Variants in LRP5 observed in about 807,000 individuals in gnomAD.
The protein encoded by LRP5 is LDL receptor related protein 5.
In LRP5, 62 loss-of-function variants were observed where a neutral mutation model predicts 154.1. The ratio of observed to expected loss-of-function variants is 0.40; its 90% CI spans 0.33 to 0.50. The LOEUF is 0.50. Ranked by LOEUF, LRP5 falls within the 20% of genes least tolerant of loss-of-function variation. LRP5 has a pLI of 0.55. For missense variants in LRP5, 1,915 were observed against 2,336.7 expected, an observed-to-expected ratio of 0.82 and a Z score of 3.72; for synonymous variants, 966 against 1,011.5, an observed-to-expected ratio of 0.96 and a Z score of 0.85.
At chr11:68,441,068 TTTTTC>T (rs1036857593) in intron 21 of LRP5, among the ~76,000 whole-genome samples, 16 of 151,660 alleles carry the variant, frequency 1.1e-4, no homozygotes, top group Admixed American at 5.9e-4. Flanking sequence ...GCACCTGGCC[TTTTTC>T]TTTTCTTTTC....
chr11:68,431,386 C>T (rs1029539840), intron 17 of LRP5, among the ~76,000 whole-genome samples: 5 of 151,834 alleles, frequency 3.3e-5, no homozygotes, highest in Non-Finnish European at 5.9e-5. Context: ...ATTACAGGCT[C>T]CCACCACCAC....
Position 68,338,867 on chromosome 11 carries a change from G to GTTTTTTTTTTTTTTTTTTTTTTTTTTTT in LRP5, c.92-8956_92-8955insTTTTTTTTTTTTTTTTTTTTTTTTTTTT, listed in dbSNP as rs11382677. On this transcript the variant is annotated intron_variant, in intron 1 of 22. Coordinates refer to ENST00000294304, the MANE Select transcript of LRP5 (RefSeq NM_002335.4). ...TCATTGGTTTTTTTGCTTTTGTTTA[G>GTTTTTTTTTTTTTTTTTTTTTTTTTTTT]TTTTTTTTTTTTTTTTTTTTTTTTG... Among the ~76,000 whole-genome samples the GTTTTTTTTTTTTTTTTTTTTTTTTTTTT allele has an allele frequency of 6.5e-5, 6 of 91,940 alleles. 1 individual carries two copies. Among genetic ancestry groups the GTTTTTTTTTTTTTTTTTTTTTTTTTTTT allele is most frequent in the African/African-American group, 9.3e-5 (2 of 21,536 alleles). 60.3% of individuals were successfully genotyped at this position (91,940 alleles called of 152,430 possible). A position where few individuals can be genotyped will look rare whatever the true frequency, so the allele number is the denominator to read the frequency against.
At chr11:68,431,259 G>A (rs1258003010) in intron 17 of LRP5, among the ~76,000 whole-genome samples, 3 of 98,770 alleles carry the variant, frequency 3.0e-5, no homozygotes, top group Non-Finnish European at 5.7e-5. Flanking sequence ...TTTTTTTTGA[G>A]ATGGAGTCTC....
rs752512951 is a variant in LRP5, at chr11:68,411,638, G to A, written c.2503+18G>A. ...CATGCTGGGTGAGGGCCGGGCTGGG[G>A]CCTTCTGGTCATGGAGGGCGGGGCA... On this transcript the variant is annotated intron_variant, in intron 11 of 22. Coordinates refer to ENST00000294304, the MANE Select transcript of LRP5 (RefSeq NM_002335.4). 1.1e-5 allele frequency: 18 copies of A among 1,601,728 alleles called. No individual in the cohort carries two copies. The highest frequency in any genetic ancestry group is 3.3e-5 in the Admixed American group (2 of 59,758).
At position 68,390,120 on chromosome 11, in the gene LRP5, G is replaced by C. The variant is rs543363877; in HGVS notation, c.1584+68G>C. ...AGCCACCCCCTGCAGCCAGATGTACGTATTGGCGAGGCACCGATGGGTGCC... is the reference window on the plus strand; with the variant it reads ...AGCCACCCCCTGCAGCCAGATGTACCTATTGGCGAGGCACCGATGGGTGCC... On this transcript the variant is annotated intron_variant, in intron 7 of 22. Coordinates refer to ENST00000294304, the MANE Select transcript of LRP5 (RefSeq NM_002335.4). 2.9e-5 allele frequency: 46 copies of C among 1,575,126 alleles called. No homozygotes were observed. The South Asian group carries it at 3.7e-4, about 13-fold the overall frequency.
intron 16 of LRP5, 152 bp from the exon 17 acceptor site, chr11:68,429,423 C>A: frequency 2.3e-6 from 2 of 867,680 alleles, no homozygotes; most frequent in Non-Finnish European, 3.7e-6. Flanking sequence ...TGTAGGCTGC[C>A]AAGAGGAATA....
chr11:68,346,688 G>A (rs1474090405), intron 1 of LRP5, among the ~76,000 whole-genome samples: 1 of 152,224 alleles, frequency 6.6e-6, no homozygotes, highest in Non-Finnish European at 1.5e-5. Context: ...CATGAGGAAT[G>A]TCAGCTGTTT....
At chr11:68,319,833 C>T (rs2098595702) in intron 1 of LRP5, among the ~76,000 whole-genome samples, 1 of 152,074 alleles carries the variant, frequency 6.6e-6, no homozygotes, top group Non-Finnish European at 1.5e-5. Context: ...AGGATACATT[C>T]CTAGTCAAAG....
chr11:68,341,902 T>A (rs1303604718), intron 1 of LRP5, among the ~76,000 whole-genome samples: 1 of 152,136 alleles, frequency 6.6e-6, no homozygotes, highest in Admixed American at 6.5e-5. Flanking sequence ...CCCACGTGAA[T>A]ACGGAGCCAT....
At chr11:68,319,098 G>T (rs1336153472) in intron 1 of LRP5, among the ~76,000 whole-genome samples, 5 of 116,738 alleles carry the variant, frequency 4.3e-5, no homozygotes, top group Non-Finnish European at 6.9e-5. Context: ...TTTTTTTTGA[G>T]ACAGGAGTCT....
chr11:68,423,600 A>G lies in LRP5; in HGVS notation c.3139A>G (p.Thr1047Ala), dbSNP rs770404987. 1.2e-6 allele frequency: 2 copies of G among 1,614,138 alleles called. No homozygotes were observed. Among genetic ancestry groups the G allele is most frequent in the Non-Finnish European group, 8.5e-7 (1 of 1,179,996 alleles). Residue 1047 changes from threonine to alanine, a missense_variant, in exon 14 of 23, where the codon ACC (threonine) becomes GCC (alanine). Physicochemically the swap from Thr to Ala is moderately conservative, Grantham distance 58 (BLOSUM62 0). Coordinates refer to ENST00000294304, the MANE Select transcript of LRP5 (RefSeq NM_002335.4). The surrounding 1 kb of genome is among the most constrained non-coding windows in gnomAD (Gnocchi z 4.7). Reference protein sequence around the residue: ...TLFWTCEATNTINVHRLSGEA... With the variant: ...TLFWTCEATNAINVHRLSGEA... ...GTTCTGGACGTGCGAGGCCACCAAT[A>G]CCATCAACGTCCACAGGCTGAGCGG...
At chr11:68,399,956 G>C (rs552059422) in intron 7 of LRP5, among the ~76,000 whole-genome samples, 1 of 152,344 alleles carries the variant, frequency 6.6e-6, no homozygotes, top group South Asian at 2.1e-4. Context: ...GGGATTCTGC[G>C]ATCTGGGTGG....
intron 1 of LRP5, among the ~76,000 whole-genome samples, chr11:68,344,406 C>A (rs1456717867): frequency 6.6e-6 from 1 of 152,158 alleles, no homozygotes; most frequent in African/African-American, 2.4e-5. Context: ...GCAACCTCCA[C>A]TTCTCGGGTT....
At chr11:68,431,865 C>T (rs1352851423) in intron 17 of LRP5, among the ~76,000 whole-genome samples, 2 of 123,086 alleles carry the variant, frequency 1.6e-5, no homozygotes, top group African/African-American at 5.1e-5. Context: ...TTCCATCCAC[C>T]ACCCCCTGGC....
rs1206641617 is a variant in LRP5, at chr11:68,386,243, G to A, written c.1016-73G>A. 1.4e-5 allele frequency: 22 copies of A among 1,586,282 alleles called. No homozygotes were observed. The highest frequency in any genetic ancestry group is 1.8e-5 in the Non-Finnish European group (21 of 1,167,184). The stretch of plus-strand genomic sequence containing the variant: ...GCCTGGCTGAGTATTTCCCTTGCCC[G>A]GCCCACCCCAGGCCTAGACTTGTGC... On this transcript the variant is annotated intron_variant, in intron 5 of 22. Transcript: ENST00000294304. The surrounding 1 kb of genome is among the most constrained non-coding windows in gnomAD (Gnocchi z 7.9).
intron 22 of LRP5, 66 bp from the exon 23 acceptor site, chr11:68,448,743 G>C (rs908213262): frequency 6.3e-6 from 10 of 1,590,260 alleles, no homozygotes; most frequent in Non-Finnish European, 8.5e-6. Context: ...ACAGCCCCGG[G>C]GCTGCTGTGC....
At position 68,423,833 on chromosome 11, in the gene LRP5, A is replaced by T; in HGVS notation, c.3236+136A>T. The T allele has an allele frequency of 1.3e-6, 1 of 790,722 alleles. No individual in the cohort carries two copies. The highest frequency in any genetic ancestry group is 2.7e-5 in the East Asian group (1 of 37,476). The allele number at this position is 790,722 out of a possible 1,614,324, so 49.0% of individuals were successfully genotyped here. On this transcript the variant is annotated intron_variant, in intron 14 of 22. Transcript: ENST00000294304. The surrounding 1 kb of genome is among the most constrained non-coding windows in gnomAD (Gnocchi z 4.7). The stretch of plus-strand genomic sequence containing the variant: ...CAATGGGTGGCTTTCCAGGGTCCCA[A>T]AAGCAAACACAGGCTCTTTCACAGC...
In LRP5 at chr11:68,369,876, AG is replaced by A. The variant is rs199967305; in HGVS notation, c.1015+4178del. 7.1e-3 allele frequency among the ~76,000 whole-genome samples: 1,086 copies of A among 152,214 alleles called. 12 individuals carry two copies. The highest frequency in any genetic ancestry group is 0.025 in the African/African-American group (1,031 of 41,526). On this transcript the variant is annotated intron_variant, in intron 5 of 22. Coordinates refer to ENST00000294304, the MANE Select transcript of LRP5 (RefSeq NM_002335.4). ...GCTTGCAAAGGGCCACTGCTCATCCAGGGGTGACGGAGCCGTGCTGGGTGCC... is the reference window on the plus strand; with the variant it reads ...GCTTGCAAAGGGCCACTGCTCATCCAGGGTGACGGAGCCGTGCTGGGTGCC...
chr11:68,399,662 C>G (rs761927463), intron 7 of LRP5, among the ~76,000 whole-genome samples: 2 of 152,224 alleles, frequency 1.3e-5, no homozygotes, highest in Admixed American at 6.5e-5. Flanking sequence ...TGCATCTTGT[C>G]CCCTGACGCC....
Sources: gnomAD v4.1 joint callset for allele counts (sites outside exome capture counted in the v4.1 genomes callset) on GRCh38, gnomAD v4.1.1 for gene constraint, Gnocchi (gnomAD v3.1) non-coding constraint, MANE v1.5 for transcripts, NCBI Gene and HGNC (gene_info 2026-07-23, HGNC 2026-07-21) for gene names.